Variants in GMDS observed in about 807,000 individuals in gnomAD.
GMDS encodes the protein GDP-mannose 4,6-dehydratase.
Under a neutral mutation model 49.9 loss-of-function variants are expected in GMDS, and 20 were observed. The observed-to-expected ratio is 0.40, with a 90% CI of 0.28 to 0.58. GMDS has a LOEUF of 0.58. Among genes scored for constraint, GMDS ranks in the 20% least tolerant of loss-of-function variants. The pLI, the probability that GMDS is intolerant of heterozygous loss-of-function variation, is 0.42. For missense variants in GMDS, 362 were observed against 481.4 expected (o/e 0.75, Z 2.32); for synonymous variants, 177 against 178.6 (o/e 0.99, Z 0.07).
At chr6:2,021,817 T>G (rs1228725344) in intron 4 of GMDS, among the ~76,000 whole-genome samples, 1 of 152,152 alleles carries the variant, frequency 6.6e-6, no homozygotes, top group African/African-American at 2.4e-5. Context: ...ATACTAACAA[T>G]GCATGCACCA....
At chr6:1,752,468 T>C (rs1222109646) in intron 7 of GMDS, among the ~76,000 whole-genome samples, 1 of 152,304 alleles carries the variant, frequency 6.6e-6, no homozygotes, top group East Asian at 1.9e-4. Context: ...CTCTTCAGGA[T>C]ATTACCCAGG....
chr6:1,874,047 C>T (rs1035261704), intron 7 of GMDS, among the ~76,000 whole-genome samples: 1 of 152,204 alleles, frequency 6.6e-6, no homozygotes, highest in Non-Finnish European at 1.5e-5. Flanking sequence ...GTGACCACTG[C>T]CTCGAACAGG....
intron 4 of GMDS, among the ~76,000 whole-genome samples, chr6:2,070,809 C>A (rs1323022068): frequency 6.6e-6 from 1 of 152,174 alleles, no homozygotes; most frequent in East Asian, 1.9e-4. Flanking sequence ...TGCAGTTCTT[C>A]CAATTCCTGA....
intron 6 of GMDS, among the ~76,000 whole-genome samples, chr6:1,933,536 T>C (rs1762389622): frequency 6.6e-6 from 1 of 152,234 alleles, no homozygotes. Flanking sequence ...GTACTTGTTA[T>C]GGTCTGTTAA....
intron 1 of GMDS, among the ~76,000 whole-genome samples, chr6:2,132,384 T>G (rs865962413): frequency 1.9e-4 from 29 of 152,176 alleles, no homozygotes; most frequent in African/African-American, 6.5e-4. Flanking sequence ...AATAAGAAAT[T>G]TAGTCCCTGC....
intron 4 of GMDS, among the ~76,000 whole-genome samples, chr6:1,978,544 C>A (rs1561941538): frequency 6.6e-6 from 1 of 152,162 alleles, no homozygotes; most frequent in East Asian, 1.9e-4. Flanking sequence ...TGGGGCGGGT[C>A]CTCCCAGCTG....
At chr6:1,951,147 A>G (rs1763322119) in intron 6 of GMDS, among the ~76,000 whole-genome samples, 1 of 152,188 alleles carries the variant, frequency 6.6e-6, no homozygotes, top group South Asian at 2.1e-4. Context: ...ACAATCTTTA[A>G]AAAACAAATC....
At chr6:1,720,808 A>G (rs1408732301) in intron 9 of GMDS, among the ~76,000 whole-genome samples, 1 of 152,192 alleles carries the variant, frequency 6.6e-6, no homozygotes, top group Non-Finnish European at 1.5e-5. Context: ...AGAGGTCAGA[A>G]GGAGCAGGAG....
intron 7 of GMDS, 81 bp downstream of exon 7, chr6:1,930,022 C>A: frequency 7.7e-7 from 1 of 1,290,894 alleles, no homozygotes; most frequent in Non-Finnish European, 1.1e-6. Context: ...ACCTCTAGGT[C>A]ACACTTTTTC....
chr6:1,850,463 C>T (rs567072703), intron 7 of GMDS, among the ~76,000 whole-genome samples: 1 of 152,282 alleles, frequency 6.6e-6, no homozygotes, highest in African/African-American at 2.4e-5. Context: ...ATGGGCCAGG[C>T]CTTCAGTGTA....
intron 1 of GMDS, among the ~76,000 whole-genome samples, chr6:2,171,279 G>A (rs537173232): frequency 3.1e-4 from 47 of 152,232 alleles, no homozygotes; most frequent in African/African-American, 1.1e-3. Context: ...CAACAAAAAA[G>A]GAAGACAGGA....
chr6:2,043,335 C>T (rs937407841), intron 4 of GMDS: 2 of 152,224 alleles, frequency 1.3e-5, no homozygotes, highest in Non-Finnish European at 2.9e-5. Flanking sequence ...CTCGAATATA[C>T]CTCATAAGAT....
chr6:2,055,958 C>A (rs984410239), intron 4 of GMDS, among the ~76,000 whole-genome samples: 1 of 151,994 alleles, frequency 6.6e-6, no homozygotes, highest in African/African-American at 2.4e-5. Context: ...AAAGAAAAGA[C>A]CAAAGCATTC....
intron 4 of GMDS, among the ~76,000 whole-genome samples, chr6:2,029,566 C>T (rs1768829050): frequency 6.6e-6 from 1 of 152,206 alleles, no homozygotes; most frequent in African/African-American, 2.4e-5. Context: ...CAGTCCAGCC[C>T]AACCTCTCCT....
intron 7 of GMDS, among the ~76,000 whole-genome samples, chr6:1,866,516 G>A (rs1016514967): frequency 6.6e-6 from 1 of 152,122 alleles, no homozygotes; most frequent in African/African-American, 2.4e-5. Context: ...TAAAGGGCAG[G>A]TCTCAGTTTA....
At chr6:1,920,506 A>T (rs1425954495) in intron 7 of GMDS, among the ~76,000 whole-genome samples, 1 of 152,238 alleles carries the variant, frequency 6.6e-6, no homozygotes, top group Admixed American at 6.5e-5. Context: ...TGTGCAAAAG[A>T]CTGCCTTGAT....
intron 4 of GMDS, among the ~76,000 whole-genome samples, chr6:2,008,503 C>A (rs1372086444): frequency 6.6e-6 from 1 of 152,162 alleles, no homozygotes; most frequent in Non-Finnish European, 1.5e-5. Flanking sequence ...TCTTTCATAA[C>A]TACTCAGCTC....
intron 1 of GMDS, among the ~76,000 whole-genome samples, chr6:2,169,472 G>A (rs1247578693): frequency 6.6e-6 from 1 of 151,984 alleles, no homozygotes; most frequent in Non-Finnish European, 1.5e-5. Context: ...GCTGGGTGTG[G>A]TGGCAAGCAC....
intron 7 of GMDS, among the ~76,000 whole-genome samples, chr6:1,849,890 G>C (rs1757580691): frequency 6.6e-6 from 1 of 152,132 alleles, no homozygotes. Context: ...CGTGGAGCTA[G>C]AATTGCTCAG....
Sources: gnomAD v4.1 joint callset for allele counts (sites outside exome capture counted in the v4.1 genomes callset) on GRCh38, gnomAD v4.1.1 for gene constraint, MANE v1.5 for transcripts, NCBI Gene and HGNC (gene_info 2026-07-23, HGNC 2026-07-21) for gene names.